The following SELPLG variants were observed in gnomAD, a reference collection of about 807,000 sequenced individuals.
SELPLG encodes the protein P-selectin glycoprotein ligand 1.
A neutral mutation model predicts 1.1 loss-of-function variants in SELPLG; 2 were observed. The observed-to-expected ratio is 1.82, with a 90% CI of 0.74 to 5.71. The LOEUF (loss-of-function observed/expected upper bound fraction) is 5.71. Among genes scored for constraint, SELPLG ranks in the 30% most tolerant of loss-of-function variants. The pLI, the probability that SELPLG is intolerant of heterozygous loss-of-function variation, is 0.05. For synonymous variants in SELPLG, 230 were observed against 221.2 expected (o/e 1.04, Z -0.35); for missense variants, 478 against 524.7 (o/e 0.91, Z 0.87).
chr12:108,626,454 G>C (rs1020079475), intron 1 of SELPLG, among the ~76,000 whole-genome samples: 1 of 151,844 alleles, frequency 6.6e-6, no homozygotes, highest in African/African-American at 2.4e-5. Flanking sequence ...TTTCAAATAT[G>C]CAAATCTGAT....
At chr12:108,628,525 A>G (rs979078127) in intron 1 of SELPLG, among the ~76,000 whole-genome samples, 1 of 152,076 alleles carries the variant, frequency 6.6e-6, no homozygotes, top group Non-Finnish European at 1.5e-5. Context: ...TTATGAGCAC[A>G]CTCACAGCTA....
chr12:108,624,278 G>T lies in SELPLG; in HGVS notation c.30C>A (p.Ile10=), dbSNP rs767558765. 16 of 1,613,956 alleles carry T rather than the reference G, an allele frequency of 9.9e-6. No homozygotes were observed. Among genetic ancestry groups the T allele is most frequent in the Middle Eastern group, 3.3e-4 (2 of 6,084 alleles). Residue 10 remains isoleucine, a synonymous_variant, in exon 2 of 2, where the codon ATC becomes ATA. Coordinates refer to ENST00000550948, the MANE Select transcript of SELPLG (RefSeq NM_003006.4). MPLQLLLLL[I]LLGPGNSLQL... ...GCAAGCTGTTGCCAGGGCCCAGTAG[G>T]ATCAGCAACAGGAGGAGTTGCAGAG...
At chr12:108,627,195 C>A (rs2031952515) in intron 1 of SELPLG, among the ~76,000 whole-genome samples, 1 of 152,210 alleles carries the variant, frequency 6.6e-6, no homozygotes, top group South Asian at 2.1e-4. Context: ...TTACCAAGGA[C>A]CACACTGAGG....
Position 108,622,911 on chromosome 12 carries a change from C to A in SELPLG, c.*158G>T, listed in dbSNP as rs1026888257. ...CCCGTCTGCTTGGCCCCAGGCTGCT[C>A]TTGTCCTGTTTGGGTGGCCAGAGTT... On this transcript the variant is annotated 3_prime_UTR_variant, in exon 2 of 2. Transcript: ENST00000550948. 3 of 729,190 alleles carry A rather than the reference C, an allele frequency of 4.1e-6. No homozygotes were observed. Among genetic ancestry groups the A allele is most frequent in the Non-Finnish European group, 6.3e-6 (3 of 474,812 alleles). 45.2% of individuals were successfully genotyped at this position (729,190 alleles called of 1,614,324 possible). A position where few individuals can be genotyped will look rare whatever the true frequency, so the allele number is the denominator to read the frequency against.
chr12:108,632,399 T>G (rs992653556), intron 1 of SELPLG, among the ~76,000 whole-genome samples: 3 of 146,122 alleles, frequency 2.1e-5, no homozygotes, highest in African/African-American at 8.2e-5. Flanking sequence ...GGTGTGTGTG[T>G]GTGTGTGTGT....
At position 108,624,064 on chromosome 12, in the gene SELPLG, T is replaced by C. The variant is rs1230721168; in HGVS notation, c.244A>G (p.Thr82Ala). Residue 82 changes from threonine (T) to alanine (A), a missense_variant, in exon 2 of 2, where the codon ACT becomes GCT. Coordinates refer to ENST00000550948, the MANE Select transcript of SELPLG (RefSeq NM_003006.4). ...LTGPGTPEST[T>A]VEPAARRSTG... ...GAACGCCTTGCAGCAGGCTCCACAG[T>C]GGTAGACTCAGGGGTTCCAGGCCCA... is the stretch of plus-strand genomic sequence containing the variant. 1 of 1,614,200 alleles carries C rather than the reference T, an allele frequency of 6.2e-7. No homozygotes were observed. Among genetic ancestry groups the C allele is most frequent in the Admixed American group, 1.7e-5 (1 of 60,030 alleles).
In SELPLG at chr12:108,623,141, G is replaced by T. The variant is rs2031852332; in HGVS notation, c.1167C>A (p.Ser389Arg). 3 of 1,605,656 alleles carry T rather than the reference G, an allele frequency of 1.9e-6. No individual in the cohort carries two copies. Among genetic ancestry groups the T allele is most frequent in the Non-Finnish European group, 8.5e-7 (1 of 1,176,012 alleles). The change falls in exon 2 of 2, where the codon AGC (serine) becomes AGA (arginine). Residue 389 changes from serine to arginine, a missense_variant. Transcript: ENST00000550948. ...TANGGLSKAKSPGLTPEPRED... is the reference protein window; with the variant it reads ...TANGGLSKAKRPGLTPEPRED... ...CCCTGGGCTCTGGCGTCAGGCCCGGGCTCTTGGCCTTGGACAGGCCCCCAT... is the reference window on the plus strand; with the variant it reads ...CCCTGGGCTCTGGCGTCAGGCCCGGTCTCTTGGCCTTGGACAGGCCCCCAT...
At chr12:108,631,770 T>G in intron 1 of SELPLG, 2 of 933,796 alleles carry the variant, frequency 2.1e-6, no homozygotes, top group Non-Finnish European at 3.3e-6. Context: ...CTACATCTGG[T>G]TAGTTGAACA....
At position 108,622,171 on chromosome 12, in the gene SELPLG, G is replaced by A. The variant is rs2031834121; in HGVS notation, c.*898C>T. The A allele has an allele frequency of 6.6e-6, 1 of 152,338 alleles. No homozygotes were observed. The highest frequency in any genetic ancestry group is 1.5e-5 in the Non-Finnish European group (1 of 68,156). The allele number at this position is 152,338 out of a possible 1,614,324, so 9.4% of individuals were successfully genotyped here. Reference sequence around the variant, plus strand: ...GGCTTCCTGGGGGGCCAGGGGCTGAGGGCAGACAGCTGAGGACCAGCCCCC... The same window carrying A: ...GGCTTCCTGGGGGGCCAGGGGCTGAAGGCAGACAGCTGAGGACCAGCCCCC... On this transcript the variant is annotated 3_prime_UTR_variant, in exon 2 of 2. Transcript: ENST00000550948.
At position 108,623,873 on chromosome 12, in the gene SELPLG, T is replaced by G; in HGVS notation, c.435A>C (p.Pro145=). The change falls in exon 2 of 2, where the codon CCA becomes CCC. Residue 145 remains proline (P), a synonymous_variant. Transcript: ENST00000550948. ...TTGTCTGTGCCTCTGTGGCTGCCAGTGGAGTGGTCTGTGCCTCCGTGGGCA... is the reference window on the plus strand; with the variant it reads ...TTGTCTGTGCCTCTGTGGCTGCCAGGGGAGTGGTCTGTGCCTCCGTGGGCA... The part of the protein sequence containing the change: ...QPVPTEAQTT[P]LAATEAQTTR... The G allele has an allele frequency of 6.4e-7, 1 of 1,561,392 alleles. No homozygotes were observed. The highest frequency in any genetic ancestry group is 8.7e-7 in the Non-Finnish European group (1 of 1,150,874).
intron 1 of SELPLG, among the ~76,000 whole-genome samples, chr12:108,626,554 T>C (rs1441034933): frequency 6.6e-6 from 1 of 152,232 alleles, no homozygotes; most frequent in East Asian, 1.9e-4. Flanking sequence ...TGGAGTGCAG[T>C]AGTGCAATTA....
chr12:108,630,967 C>T (rs762831511), intron 1 of SELPLG, among the ~76,000 whole-genome samples: 3 of 152,226 alleles, frequency 2.0e-5, no homozygotes, highest in Non-Finnish European at 2.9e-5. Context: ...TGGCTGGCAA[C>T]CACTGTGGCT....
chr12:108,627,207 TAA>T (rs1223952897), intron 1 of SELPLG, among the ~76,000 whole-genome samples: 4 of 152,196 alleles, frequency 2.6e-5, no homozygotes, highest in African/African-American at 4.8e-5. Flanking sequence ...ACACTGAGGT[TAA>T]GAGAAGTGAA....
Position 108,623,532 on chromosome 12 carries a change from A to G in SELPLG, c.776T>C (p.Met259Thr), listed in dbSNP as rs774850870. Residue 259 changes from methionine to threonine, a missense_variant, in exon 2 of 2, where the codon ATG becomes ACG. Met to Thr is a moderately conservative substitution (Grantham distance 81). Transcript: ENST00000550948. ...TEAQTTPLAA[M>T]EALSTEPSAT... Reference sequence around the variant, plus strand: ...ACTGGGTTCTGTGGACAGGGCCTCCATGGCTGCCAGTGGAGTGGTCTGTGC... The same window carrying G: ...ACTGGGTTCTGTGGACAGGGCCTCCGTGGCTGCCAGTGGAGTGGTCTGTGC... 71 of 1,614,090 alleles carry G rather than the reference A, an allele frequency of 4.4e-5. No homozygotes were observed. The highest frequency in any genetic ancestry group is 5.2e-5 in the Non-Finnish European group (61 of 1,179,984).
intron 1 of SELPLG, among the ~76,000 whole-genome samples, chr12:108,626,220 C>T (rs1312360087): frequency 4.0e-5 from 6 of 150,736 alleles, no homozygotes; most frequent in African/African-American, 1.5e-4. Flanking sequence ...CTGCAACCTC[C>T]GCCTCCCGGG....
chr12:108,627,348 G>T (rs1013653827), intron 1 of SELPLG, among the ~76,000 whole-genome samples: 16 of 152,318 alleles, frequency 1.1e-4, no homozygotes, highest in Middle Eastern at 3.4e-3. Flanking sequence ...TGGGCTTGTG[G>T]ACTTGGGTGG....
chr12:108,624,375 C>G, intron 1 of SELPLG, 63 bp from the exon 2 acceptor site: 1 of 1,464,546 alleles, frequency 6.8e-7, no homozygotes, highest in South Asian at 1.3e-5. Context: ...TAGCAAGCAC[C>G]CTAGACCACC....
chr12:108,629,385 T>C (rs1321014918), intron 1 of SELPLG, among the ~76,000 whole-genome samples: 2 of 152,164 alleles, frequency 1.3e-5, no homozygotes, highest in Non-Finnish European at 2.9e-5. Context: ...AGGCCACAGC[T>C]GAGCAGGCAT....
In SELPLG at chr12:108,624,190, G is replaced by A. The variant is rs143908893; in HGVS notation, c.118C>T (p.Arg40Trp). 1,440 of 1,614,096 alleles carry A rather than the reference G, an allele frequency of 8.9e-4. 8 individuals carry two copies. Among genetic ancestry groups the A allele is most frequent in the Non-Finnish European group, 6.7e-4 (796 of 1,179,986 alleles). The change falls in exon 2 of 2, where the codon CGG becomes TGG. Residue 40 changes from arginine to tryptophan, a missense_variant. Physicochemically the swap from Arg to Trp is moderately radical, Grantham distance 101. Transcript: ENST00000550948. ...KALGPLLARD[R>W]RQATEYEYLD... ...TACTCATATTCGGTGGCCTGTCTCC[G>A]GTCCCGGGCAAGCAGGGGACCCAAG...
Sources: gnomAD v4.1 joint callset for allele counts (sites outside exome capture counted in the v4.1 genomes callset) on GRCh38, gnomAD v4.1.1 for gene constraint, MANE v1.5 for transcripts, NCBI Gene and HGNC (gene_info 2026-07-23, HGNC 2026-07-21) for gene names.